The following GCNT1 variants were observed in gnomAD, a reference collection of about 807,000 sequenced individuals.
GCNT1 encodes the protein glucosaminyl (N-acetyl) transferase 1.
In GCNT1, 16 loss-of-function variants were observed where a neutral mutation model predicts 26.2. That is an observed-to-expected ratio of 0.61 (90% CI 0.41 to 0.93). The LOEUF is 0.93. Among genes scored for constraint, GCNT1 ranks in the 40% least tolerant of loss-of-function variants. The pLI, the probability that GCNT1 is intolerant of heterozygous loss-of-function variation, is 0.00. For synonymous variants in GCNT1, 183 were observed against 190.8 expected (o/e 0.96, Z 0.34); for missense variants, 477 against 526.7 (o/e 0.91, Z 0.92).
chr9:76,419,266 A>T (rs1197099026), upstream of GCNT1, among the ~76,000 whole-genome samples: 1 of 152,226 alleles, frequency 6.6e-6, no homozygotes, highest in African/African-American at 2.4e-5. Context: ...ACACTCCATG[A>T]CAACAGACTT....
chr9:76,430,956 G>A (rs1300535886), intron 1 of GCNT1, among the ~76,000 whole-genome samples: 4 of 152,196 alleles, frequency 2.6e-5, no homozygotes, highest in African/African-American at 4.8e-5. Context: ...AAAGTGCCGG[G>A]ATTACGGGCA....
chr9:76,417,776 A>G (rs1823145714), upstream of GCNT1, among the ~76,000 whole-genome samples: 1 of 152,130 alleles, frequency 6.6e-6, no homozygotes, highest in Non-Finnish European at 1.5e-5. Context: ...TAGGCCATTA[A>G]TTTCTTCAGT....
Position 76,506,661 on chromosome 9 carries a change from G to A in GCNT1, c.*2993G>A, listed in dbSNP as rs1389028239. 5 of 167,110 alleles carry A rather than the reference G, an allele frequency of 3.0e-5. No homozygotes were observed. In the East Asian group the frequency reaches 9.6e-4, roughly 32 times the overall value. 10.4% of individuals were successfully genotyped at this position (167,110 alleles called of 1,614,324 possible). On this transcript the variant is annotated 3_prime_UTR_variant, in exon 4 of 4. Transcript: ENST00000376730. ...CTAAGGAAAAGAGTTAATAAAAATTGTTCTTTATTTTACAGGCAGTTACTG... is the reference window on the plus strand; with the variant it reads ...CTAAGGAAAAGAGTTAATAAAAATTATTCTTTATTTTACAGGCAGTTACTG...
upstream of GCNT1, among the ~76,000 whole-genome samples, chr9:76,417,564 G>A (rs565129139): frequency 6.6e-6 from 1 of 152,294 alleles, no homozygotes; most frequent in South Asian, 2.1e-4. Flanking sequence ...AAGAATGAAA[G>A]GTACTGTTGG....
chr9:76,443,938 G>GGAAGAAAGGAAGA (rs1564225862), intron 1 of GCNT1, among the ~76,000 whole-genome samples: 15 of 58,442 alleles, frequency 2.6e-4, no homozygotes, highest in African/African-American at 7.9e-4. Flanking sequence ...AGAAAGGAAG[G>GGAAGAAAGGAAGA]AAGGAAGGAA....
intron 2 of GCNT1, among the ~76,000 whole-genome samples, chr9:76,479,088 A>G (rs986987585): frequency 6.7e-6 from 1 of 150,260 alleles, no homozygotes; most frequent in African/African-American, 2.5e-5. Flanking sequence ...ATTCTCACCT[A>G]TGAGTGAGAA....
rs1330136897 is a variant in GCNT1, at chr9:76,505,265, C to A, written c.*1597C>A. ...ATTTGTCAAAGTCAGAAAACATTTT[C>A]ATCTTATTGAGAGATATGTTTTTAA... On this transcript the variant is annotated 3_prime_UTR_variant, in exon 4 of 4. Coordinates refer to ENST00000376730, the MANE Select transcript of GCNT1 (RefSeq NM_001490.5). 8.2e-6 allele frequency: 2 copies of A among 244,142 alleles called. No homozygotes were observed. The highest frequency in any genetic ancestry group is 4.5e-5 in the African/African-American group (2 of 44,544). 15.1% of individuals were successfully genotyped at this position (244,142 alleles called of 1,614,324 possible). A position where few individuals can be genotyped will look rare whatever the true frequency, so the allele number is the denominator to read the frequency against.
At chr9:76,470,001 C>G (rs1038335558) in intron 2 of GCNT1, among the ~76,000 whole-genome samples, 20 of 152,120 alleles carry the variant, frequency 1.3e-4, no homozygotes, top group Admixed American at 9.2e-4. Flanking sequence ...GTAGTAGATA[C>G]ATAGAATTTT....
At chr9:76,394,126 A>T in the GCNT1 span, 1 of 1,609,790 alleles carries the variant, frequency 6.2e-7, no homozygotes, top group Non-Finnish European at 8.5e-7. Context: ...CCGCGGCCGA[A>T]GCCCCGCACC....
upstream of GCNT1, among the ~76,000 whole-genome samples, chr9:76,418,575 G>A (rs997283760): frequency 6.6e-6 from 1 of 152,146 alleles, no homozygotes; most frequent in African/African-American, 2.4e-5. Context: ...TTAAAAAGCA[G>A]AAAAAGGCAT....
At chr9:76,451,564 G>A (rs1375399478) in intron 1 of GCNT1, among the ~76,000 whole-genome samples, 1 of 152,126 alleles carries the variant, frequency 6.6e-6, no homozygotes, top group Non-Finnish European at 1.5e-5. Flanking sequence ...ATCTTAAAAT[G>A]AGGAATGCCT....
At chr9:76,419,488 G>A (rs911944176), upstream of GCNT1, among the ~76,000 whole-genome samples, 1 of 152,110 alleles carries the variant, frequency 6.6e-6, no homozygotes, top group Non-Finnish European at 1.5e-5. Flanking sequence ...GAGCACCATG[G>A]CGAGACCCCC....
chr9:76,455,174 C>A (rs529241736), upstream of GCNT1, among the ~76,000 whole-genome samples: 1 of 152,062 alleles, frequency 6.6e-6, no homozygotes, highest in South Asian at 2.1e-4. Context: ...ATAAATCATC[C>A]AGTCTCAGAA....
At chr9:76,469,715 C>T (rs1227811559) in intron 2 of GCNT1, among the ~76,000 whole-genome samples, 1 of 152,236 alleles carries the variant, frequency 6.6e-6, no homozygotes, top group Non-Finnish European at 1.5e-5. Flanking sequence ...CCCATTGCCG[C>T]TCCCGATCGG....
chr9:76,412,767 TG>T, the GCNT1 span, among the ~76,000 whole-genome samples: 2 of 152,340 alleles, frequency 1.3e-5, no homozygotes, highest in African/African-American at 4.8e-5. Flanking sequence ...GACTGCTTCC[TG>T]GTGACCACCT....
upstream of GCNT1, among the ~76,000 whole-genome samples, chr9:76,440,016 G>A (rs901958037): frequency 1.3e-4 from 20 of 151,446 alleles, no homozygotes; most frequent in African/African-American, 4.9e-4. Flanking sequence ...CAGGAGAATC[G>A]CTTGAACCCA....
At chr9:76,475,255 C>T (rs985104700) in intron 2 of GCNT1, among the ~76,000 whole-genome samples, 1 of 152,166 alleles carries the variant, frequency 6.6e-6, no homozygotes, top group African/African-American at 2.4e-5. Context: ...GATTGCCGCT[C>T]AGGTTTATGA....
At chr9:76,449,134 C>T (rs1430156196) in intron 1 of GCNT1, among the ~76,000 whole-genome samples, 1 of 151,992 alleles carries the variant, frequency 6.6e-6, no homozygotes, top group African/African-American at 2.4e-5. Context: ...TGAGACCAGC[C>T]TGGGCAATAA....
intron 2 of GCNT1, among the ~76,000 whole-genome samples, chr9:76,470,917 G>A (rs1047371496): frequency 6.6e-6 from 1 of 152,146 alleles, no homozygotes; most frequent in African/African-American, 2.4e-5. Flanking sequence ...CCCAGACTTT[G>A]GGGCCCGCCA....
Sources: allele counts gnomAD v4.1 joint callset (sites outside exome capture counted in the v4.1 genomes callset), GRCh38; gene constraint gnomAD v4.1.1; transcripts MANE v1.5; gene names NCBI Gene and HGNC (gene_info 2026-07-23, HGNC 2026-07-21).